SETMAR: variants seen among roughly 807,000 people sequenced by gnomAD.
SETMAR encodes histone-lysine N-methyltransferase SETMAR.
A neutral mutation model predicts 58.4 loss-of-function variants in SETMAR; 44 were observed. The observed-to-expected ratio is 0.75, with a 90% CI of 0.59 to 0.97. SETMAR has a LOEUF of 0.97. Among genes scored for constraint, SETMAR ranks in the 50% least tolerant of loss-of-function variants. SETMAR has a pLI of 0.00. For missense variants in SETMAR, 903 were observed against 840.2 expected, an observed-to-expected ratio of 1.07 and a Z score of -0.92; for synonymous variants, 332 against 307.4, an observed-to-expected ratio of 1.08 and a Z score of -0.84.
chr3:4,313,737 C>T lies in SETMAR; in HGVS notation c.996C>T (p.Pro332=). ...GTGGCTCAGCCCCTTCTGTGTTCCC[C>T]TCCTGCAAGCGATTGACCCTTGAGG... ...SMCGSAPSVF[P]SCKRLTLETM... The change falls in exon 2 of 3, where the codon CCC becomes CCT. Residue 332 remains proline (P), a synonymous_variant. Coordinates refer to ENST00000358065, the MANE Select transcript of SETMAR (RefSeq NM_006515.4). 6.2e-7 allele frequency: 1 copy of T among 1,614,052 alleles called. No homozygotes were observed. The highest frequency in any genetic ancestry group is 8.5e-7 in the Non-Finnish European group (1 of 1,179,968).
At chr3:4,303,863 T>C (rs1444573708) in intron 1 of SETMAR, 1 of 1,310,928 alleles carries the variant, frequency 7.6e-7, no homozygotes, top group East Asian at 5.3e-5. Context: ...CAGGTGTCTC[T>C]CACAGGTAGG....
chr3:4,305,852 A>G (rs577303758), intron 1 of SETMAR, among the ~76,000 whole-genome samples: 70 of 152,318 alleles, frequency 4.6e-4, no homozygotes, highest in African/African-American at 1.7e-3. Context: ...AGAAATTATT[A>G]TTGTTCCCCA....
At chr3:4,312,269 AAG>A (rs1435285166) in intron 1 of SETMAR, among the ~76,000 whole-genome samples, 1 of 152,170 alleles carries the variant, frequency 6.6e-6, no homozygotes, top group East Asian at 1.9e-4. Context: ...GTAAAGGTAA[AAG>A]AGATCAAAAG....
chr3:4,308,028 A>G (rs1363663671), intron 1 of SETMAR, among the ~76,000 whole-genome samples: 1 of 150,012 alleles, frequency 6.7e-6, no homozygotes, highest in East Asian at 1.9e-4. Context: ...CAACGTCTTA[A>G]AAAAAAAAAA....
Position 4,316,276 on chromosome 3 carries a change from G to A in SETMAR, c.1085G>A (p.Gly362Asp). 2 of 893,720 alleles carry A rather than the reference G, an allele frequency of 2.2e-6. No individual in the cohort carries two copies. The highest frequency in any genetic ancestry group is 3.6e-6 in the Non-Finnish European group (2 of 561,534). The allele number at this position is 893,720 out of a possible 1,614,324, so 55.4% of individuals were successfully genotyped here. A position where few individuals can be genotyped will look rare whatever the true frequency, so the allele number is the denominator to read the frequency against. The change falls in exon 3 of 3, where the codon GGT (glycine) becomes GAT (aspartate). Residue 362 changes from glycine to aspartate, a missense_variant. Transcript: ENST00000358065. ...RAIFLFEFKM[G>D]RKAAETTRNI... ...ATTTTCTTATTCGAGTTCAAAATGG[G>A]TCGTAAAGCAGCAGAAACAACTCGC...
At chr3:4,312,051 G>A (rs558311185) in intron 1 of SETMAR, among the ~76,000 whole-genome samples, 1 of 152,174 alleles carries the variant, frequency 6.6e-6, no homozygotes, top group South Asian at 2.1e-4. Flanking sequence ...TTAAATGACA[G>A]ATTTTTTTCA....
chr3:4,312,587 T>C (rs1320949905), intron 1 of SETMAR, among the ~76,000 whole-genome samples: 4 of 152,008 alleles, frequency 2.6e-5, no homozygotes, highest in Non-Finnish European at 4.4e-5. Context: ...GGTTCCCACT[T>C]GTAGCTGTAG....
Position 4,306,542 on chromosome 3 carries a change from AG to A in SETMAR, c.156+3017del, listed in dbSNP as rs3842577. On this transcript the variant is annotated intron_variant, in intron 1 of 2. Transcript: ENST00000358065. ...TCTGTATATGCACAGCTCCCAATAAAGTTAGAGTTACAAAAATAAGACAGGA... is the reference window on the plus strand; with the variant it reads ...TCTGTATATGCACAGCTCCCAATAAATTAGAGTTACAAAAATAAGACAGGA... 2.8e-3 allele frequency among the ~76,000 whole-genome samples: 422 copies of A among 152,334 alleles called. 5 individuals carry two copies. Among genetic ancestry groups the A allele is most frequent in the East Asian group, 7.5e-3 (39 of 5,186 alleles).
rs756875633 is a variant in SETMAR at position 4,312,946 on chromosome 3, C to G, written c.205C>G (p.Gln69Glu). Residue 69 changes from glutamine (Q) to glutamate (E), a missense_variant, in exon 2 of 3, where the codon CAA (glutamine) becomes GAA (glutamate). Physicochemically the swap from Gln to Glu is conservative, Grantham distance 29. Coordinates refer to ENST00000358065, the MANE Select transcript of SETMAR (RefSeq NM_006515.4). ...VGPGADIDPTQITFPGCICVK... is the reference protein window; with the variant it reads ...VGPGADIDPTEITFPGCICVK... Reference sequence around the variant, plus strand: ...ACCTGGAGCAGACATTGATCCCACTCAAATAACCTTTCCCGGATGCATTTG... The same window carrying G: ...ACCTGGAGCAGACATTGATCCCACTGAAATAACCTTTCCCGGATGCATTTG... The G allele has an allele frequency of 1.2e-6, 2 of 1,613,788 alleles. No homozygotes were observed. Among genetic ancestry groups the G allele is most frequent in the African/African-American group, 2.7e-5 (2 of 75,004 alleles).
intron 2 of SETMAR, 48 bp from the exon 3 acceptor site, chr3:4,316,164 A>T (rs1261452247): frequency 1.6e-6 from 1 of 623,936 alleles, no homozygotes; most frequent in Admixed American, 2.3e-5. Context: ...GCATTTCTTT[A>T]TGTTTTTTTG....
In SETMAR at chr3:4,313,009, C is replaced by T. The variant is rs1698475098; in HGVS notation, c.268C>T (p.Leu90Phe). The part of the protein sequence containing the change: ...TPCLPGTCSC[L>F]RHGENYDDNS... ...CTGCCTCCCTGGCACTTGCTCCTGT[C>T]TCCGCCATGGAGAGAACTATGATGA... The change falls in exon 2 of 3, where the codon CTC becomes TTC. Residue 90 changes from leucine to phenylalanine, a missense_variant. By Grantham distance (22) the Leu-to-Phe change is conservative (BLOSUM62 0). Transcript: ENST00000358065. 4 of 1,613,840 alleles carry T rather than the reference C, an allele frequency of 2.5e-6. No homozygotes were observed. Among genetic ancestry groups the T allele is most frequent in the Non-Finnish European group, 3.4e-6 (4 of 1,179,932 alleles).
At chr3:4,306,550 T>G (rs1698198767) in intron 1 of SETMAR, among the ~76,000 whole-genome samples, 2 of 152,150 alleles carry the variant, frequency 1.3e-5, no homozygotes, top group South Asian at 4.1e-4. Flanking sequence ...AAAGTTAGAG[T>G]TACAAAAATA....
rs146101583 is a variant in SETMAR at position 4,312,212 on chromosome 3, C to T, written c.157-686C>T. On this transcript the variant is annotated intron_variant, in intron 1 of 2. Coordinates refer to ENST00000358065, the MANE Select transcript of SETMAR (RefSeq NM_006515.4). The stretch of plus-strand genomic sequence containing the variant: ...TGACTTTCTTATCCCCAACCAGTAT[C>T]TGAGGTAACCCACAATTAAAATACA... Among the ~76,000 whole-genome samples, 366 of 152,104 alleles carry T rather than the reference C, an allele frequency of 2.4e-3. 2 individuals are homozygous for T. Among genetic ancestry groups the T allele is most frequent in the African/African-American group, 8.5e-3 (351 of 41,506 alleles).
At chr3:4,306,726 T>C (rs1698205527) in intron 1 of SETMAR, among the ~76,000 whole-genome samples, 1 of 152,230 alleles carries the variant, frequency 6.6e-6, no homozygotes, top group Non-Finnish European at 1.5e-5. Flanking sequence ...GCTTGCTTGC[T>C]CCAAACCCTG....
intron 1 of SETMAR, among the ~76,000 whole-genome samples, chr3:4,311,709 A>G (rs1334363488): frequency 6.6e-6 from 1 of 152,212 alleles, no homozygotes; most frequent in Non-Finnish European, 1.5e-5. Flanking sequence ...TGTGTGTCTA[A>G]GCTCACTAGA....
At position 4,309,558 on chromosome 3, in the gene SETMAR, G is replaced by GT. The variant is rs536323590; in HGVS notation, c.157-3339dup. On this transcript the variant is annotated intron_variant, in intron 1 of 2. Transcript: ENST00000358065. ...GCCTCAAATCAGAAAAGTCCAAGTG[G>GT]TAACTATAGGCATGTCTGGACCCAG... 3.8e-4 allele frequency among the ~76,000 whole-genome samples: 58 copies of GT among 152,232 alleles called. 2 individuals carry two copies. In the South Asian group the frequency reaches 0.01, roughly 27 times the overall value.
Position 4,313,612 on chromosome 3 carries a change from G to A in SETMAR, c.871G>A (p.Ala291Thr), listed in dbSNP as rs1354072876. Residue 291 changes from alanine to threonine, a missense_variant, in exon 2 of 3, where the codon GCC (alanine) becomes ACC (threonine). By Grantham distance (58) the Ala-to-Thr change is moderately conservative. Coordinates refer to ENST00000358065, the MANE Select transcript of SETMAR (RefSeq NM_006515.4). The part of the protein sequence containing the change: ...GKLRKPCYCG[A>T]KSCTAFLPFD... ...ACTAAGGAAACCTTGTTACTGTGGT[G>A]CCAAATCATGTACTGCTTTCCTGCC... 7 of 1,613,952 alleles carry A rather than the reference G, an allele frequency of 4.3e-6. No individual in the cohort carries two copies. In the East Asian group the frequency reaches 1.3e-4, roughly 31 times the overall value.
chr3:4,315,517 C>T (rs1559219907), intron 2 of SETMAR, among the ~76,000 whole-genome samples: 1 of 152,126 alleles, frequency 6.6e-6, no homozygotes, highest in Non-Finnish European at 1.5e-5. Context: ...TTTTTGTCCT[C>T]AGGCACTAGT....
intron 1 of SETMAR, 129 bp from the exon 2 acceptor site, chr3:4,312,769 G>A: frequency 1.9e-6 from 2 of 1,049,074 alleles, no homozygotes; most frequent in Non-Finnish European, 2.7e-6. Context: ...TTAGTATGCT[G>A]TGTTTTGACA....
Sources: gnomAD v4.1 joint callset for allele counts (sites outside exome capture counted in the v4.1 genomes callset) on GRCh38, gnomAD v4.1.1 for gene constraint, MANE v1.5 for transcripts, NCBI Gene and HGNC (gene_info 2026-07-23, HGNC 2026-07-21) for gene names.